Variants in LRFN5 observed in about 807,000 individuals in gnomAD.
LRFN5 encodes the protein leucine rich repeat and fibronectin type III domain containing 5, also known as leucine-rich repeat and fibronectin type-III domain-containing protein 5.
Under a neutral mutation model 45.6 loss-of-function variants are expected in LRFN5, and 24 were observed. The observed-to-expected ratio is 0.53, with a 90% CI of 0.38 to 0.74. LRFN5 has a LOEUF of 0.74. Among genes scored for constraint, LRFN5 ranks in the 30% least tolerant of loss-of-function variants. The pLI is 0.00. For synonymous variants in LRFN5, 340 were observed against 313.8 expected (o/e 1.08, Z -0.88); for missense variants, 776 against 861.5 (o/e 0.90, Z 1.24).
intron 2 of LRFN5, among the ~76,000 whole-genome samples, chr14:41,802,136 A>G (rs191265521): frequency 1.3e-5 from 2 of 152,332 alleles, no homozygotes; most frequent in African/African-American, 4.8e-5. Flanking sequence ...ATATTGTCAG[A>G]GAAAACCAGA....
chr14:41,755,285 T>C (rs2138854169), intron 1 of LRFN5, among the ~76,000 whole-genome samples: 1 of 152,330 alleles, frequency 6.6e-6, no homozygotes, highest in South Asian at 2.1e-4. Context: ...TTAGGTCCGC[T>C]TGGTGCAGAG....
intron 2 of LRFN5, among the ~76,000 whole-genome samples, chr14:41,848,715 G>C (rs1240222214): frequency 1.5e-4 from 23 of 152,120 alleles, no homozygotes; most frequent in Admixed American, 6.6e-4. Flanking sequence ...GCATTTCATA[G>C]ATTACCAGGA....
chr14:41,729,573 C>T (rs528541961), intron 1 of LRFN5, among the ~76,000 whole-genome samples: 1 of 152,134 alleles, frequency 6.6e-6, no homozygotes, highest in South Asian at 2.1e-4. Context: ...CATAAACAAT[C>T]GTTTCCTATT....
At chr14:41,888,398 A>C (rs1050321247) in intron 3 of LRFN5, among the ~76,000 whole-genome samples, 2 of 152,112 alleles carry the variant, frequency 1.3e-5, no homozygotes, top group African/African-American at 4.8e-5. Context: ...CCATTGCTCA[A>C]AGCACTTTTG....
intron 1 of LRFN5, among the ~76,000 whole-genome samples, chr14:41,738,847 T>G (rs1884562737): frequency 6.6e-6 from 1 of 152,290 alleles, no homozygotes; most frequent in African/African-American, 2.4e-5. Context: ...TAAATCTGTG[T>G]TTCTAACTTC....
intron 1 of LRFN5, among the ~76,000 whole-genome samples, chr14:41,744,311 C>T (rs958530005): frequency 2.6e-5 from 4 of 151,966 alleles, no homozygotes; most frequent in Non-Finnish European, 5.9e-5. Flanking sequence ...GAGCTGGTAT[C>T]GTGCCACTTC....
intron 2 of LRFN5, among the ~76,000 whole-genome samples, chr14:41,832,885 G>T (rs1434533346): frequency 6.6e-6 from 1 of 152,040 alleles, no homozygotes; most frequent in Non-Finnish European, 1.5e-5. Flanking sequence ...TTTCTTTTAT[G>T]TAAGATGTTA....
At chr14:41,636,636 G>T (rs1879321048) in intron 1 of LRFN5, among the ~76,000 whole-genome samples, 1 of 151,970 alleles carries the variant, frequency 6.6e-6, no homozygotes, top group Admixed American at 6.6e-5. Flanking sequence ...AAGTAAGTAG[G>T]TGCTTAGGCT....
chr14:41,766,775 T>G (rs1594690189), intron 1 of LRFN5, 79 bp from the exon 2 acceptor site: 1 of 152,520 alleles, frequency 6.6e-6, no homozygotes, highest in East Asian at 1.9e-4. Context: ...ATCACCCAGT[T>G]AACAGCCACT....
chr14:41,856,675 A>ATTATTATTATTATTTTTTT, intron 2 of LRFN5, among the ~76,000 whole-genome samples: 33 of 18,320 alleles, frequency 1.8e-3, no homozygotes, highest in Non-Finnish European at 2.6e-3. Context: ...TATTATTATT[A>ATTATTATTATTATTTTTTT]TTTTTTTTTT....
At chr14:41,693,953 A>G (rs1017799609) in intron 1 of LRFN5, among the ~76,000 whole-genome samples, 7 of 152,006 alleles carry the variant, frequency 4.6e-5, no homozygotes, top group Admixed American at 1.3e-4. Context: ...TATAAATAGT[A>G]GTTGCTGAGA....
At chr14:41,746,826 G>C (rs183487543) in intron 1 of LRFN5, among the ~76,000 whole-genome samples, 152 of 152,018 alleles carry the variant, frequency 1.0e-3, no homozygotes, top group African/African-American at 3.5e-3. Flanking sequence ...ACACCTGAAA[G>C]CCTGCTAGAA....
At chr14:41,864,141 G>A (rs1007986138) in intron 2 of LRFN5, among the ~76,000 whole-genome samples, 11 of 152,090 alleles carry the variant, frequency 7.2e-5, no homozygotes, top group African/African-American at 1.9e-4. Context: ...ACACATGTGC[G>A]TGTGTCTTTA....
chr14:41,888,041 A>G, intron 3 of LRFN5, 31 bp downstream of exon 3: 1 of 1,504,314 alleles, frequency 6.6e-7, no homozygotes, highest in Non-Finnish European at 9.0e-7. Context: ...TTGTATACTT[A>G]CCATGCATCT....
chr14:41,656,266 CT>C (rs1197560886), intron 1 of LRFN5, among the ~76,000 whole-genome samples: 6 of 151,970 alleles, frequency 3.9e-5, no homozygotes, highest in African/African-American at 9.7e-5. Flanking sequence ...ATGAAAGTCA[CT>C]GCAAAGTATG....
At chr14:41,741,823 AAAACC>A (rs1279149557) in intron 1 of LRFN5, among the ~76,000 whole-genome samples, 2 of 151,552 alleles carry the variant, frequency 1.3e-5, no homozygotes, top group Non-Finnish European at 2.9e-5. Context: ...ATAAAAAAAA[AAAACC>A]AAAAAACTAA....
At chr14:41,637,311 T>C (rs1460421777) in intron 1 of LRFN5, among the ~76,000 whole-genome samples, 1 of 152,150 alleles carries the variant, frequency 6.6e-6, no homozygotes, top group African/African-American at 2.4e-5. Context: ...AATTACATGG[T>C]TTTCAGCTTG....
chr14:41,679,254 C>A (rs191183574), intron 1 of LRFN5, among the ~76,000 whole-genome samples: 3 of 152,166 alleles, frequency 2.0e-5, no homozygotes, highest in African/African-American at 7.2e-5. Flanking sequence ...AGCCATGCGA[C>A]GCAGTGAAAC....
At chr14:41,714,929 A>G (rs1036649087) in intron 1 of LRFN5, among the ~76,000 whole-genome samples, 5 of 152,254 alleles carry the variant, frequency 3.3e-5, no homozygotes, top group African/African-American at 7.2e-5. Context: ...CTGAAAAATC[A>G]TTACGACTTT....
Sources: gnomAD v4.1 joint callset for allele counts (sites outside exome capture counted in the v4.1 genomes callset) on GRCh38, gnomAD v4.1.1 for gene constraint, MANE v1.5 for transcripts, NCBI Gene and HGNC (gene_info 2026-07-23, HGNC 2026-07-21) for gene names.